Variants in TMEM101 observed in about 807,000 individuals in gnomAD.
The protein encoded by TMEM101 is putative NF-kappa-B-activating protein 130.
Under a neutral mutation model 26.0 loss-of-function variants are expected in TMEM101, and 14 were observed. The observed-to-expected ratio is 0.54, with a 90% CI of 0.36 to 0.84. The LOEUF is 0.84. Ranked by LOEUF, TMEM101 falls within the 40% of genes least tolerant of loss-of-function variation. TMEM101 has a pLI of 0.01. For missense variants in TMEM101, 292 were observed against 345.1 expected (o/e 0.85, Z 1.22); for synonymous variants, 152 against 145.1 (o/e 1.05, Z -0.34).
chr17:44,016,127 A>G (rs956520887), upstream of TMEM101, among the ~76,000 whole-genome samples: 19 of 127,180 alleles, frequency 1.5e-4, no homozygotes, highest in African/African-American at 3.1e-4. Flanking sequence ...ATACACACGC[A>G]CACACACACA....
chr17:44,019,767 A>G (rs753608898), upstream of TMEM101, among the ~76,000 whole-genome samples: 6 of 152,204 alleles, frequency 3.9e-5, no homozygotes, highest in Non-Finnish European at 8.8e-5. Flanking sequence ...CAGGGAAGCC[A>G]CAATTGATAT....
chr17:44,015,594 C>T (rs1160196036), upstream of TMEM101, among the ~76,000 whole-genome samples: 1 of 152,066 alleles, frequency 6.6e-6, no homozygotes, highest in Non-Finnish European at 1.5e-5. Flanking sequence ...GGAGTTTCAC[C>T]GTCTTAGCCA....
chr17:44,015,020 A>G (rs1462577944), upstream of TMEM101: 12 of 1,526,800 alleles, frequency 7.9e-6, no homozygotes, highest in East Asian at 4.7e-5. Context: ...TGGGACACGC[A>G]GCTTCCGGGT....
At chr17:44,016,867 G>T (rs2049237180), upstream of TMEM101, among the ~76,000 whole-genome samples, 1 of 152,188 alleles carries the variant, frequency 6.6e-6, no homozygotes, top group Non-Finnish European at 1.5e-5. Context: ...GGGCGCGGTG[G>T]CTAACGCCTG....
At chr17:44,017,608 A>AAAC (rs2049246787), upstream of TMEM101, among the ~76,000 whole-genome samples, 1 of 137,036 alleles carries the variant, frequency 7.3e-6, no homozygotes, top group Non-Finnish European at 1.6e-5. Context: ...AAAAAAAAAA[A>AAAC]AAAAAAAAGC....
At chr17:44,021,568 C>T (rs1285859527) in intron 1 of TMEM101, 1 of 152,242 alleles carries the variant, frequency 6.6e-6, no homozygotes, top group Non-Finnish European at 1.5e-5. Context: ...CCATTTGTTT[C>T]GTTGCCACTG....
rs2049164765 is a variant in TMEM101, at chr17:44,012,021, G to A, written c.681C>T (p.Asn227=). The part of the protein sequence containing the change: ...LIDGNVAYWH[N]TRRVEFWNQM... ...GGTTCCAGAACTCAACACGCCGCGT[G>A]TTGTGCCAGTAAGCAACATTGCCAT... Residue 227 remains asparagine, a synonymous_variant, in exon 4 of 4, where the codon AAC becomes AAT. Transcript: ENST00000206380. The A allele has an allele frequency of 1.2e-6, 2 of 1,614,192 alleles. No individual in the cohort carries two copies. Among genetic ancestry groups the A allele is most frequent in the East Asian group, 4.5e-5 (2 of 44,884 alleles).
chr17:44,020,458 C>A (rs1445189939), intron 2 of TMEM101, among the ~76,000 whole-genome samples: 1 of 152,216 alleles, frequency 6.6e-6, no homozygotes. Flanking sequence ...CGGTGGCTCA[C>A]ACCTGCAATC....
intron 2 of TMEM101, 136 bp downstream of exon 2, chr17:44,014,221 C>G: frequency 9.8e-7 from 1 of 1,023,318 alleles, no homozygotes; most frequent in South Asian, 1.7e-5. Context: ...TCTCCATAAG[C>G]CAAGGGGTTC....
intron 2 of TMEM101, 136 bp downstream of exon 2, chr17:44,014,221 C>T (rs1463131244): frequency 9.8e-7 from 1 of 1,023,200 alleles, no homozygotes; most frequent in Non-Finnish European, 1.4e-6. Context: ...TCTCCATAAG[C>T]CAAGGGGTTC....
upstream of TMEM101, chr17:44,019,360 G>C (rs2049264082): frequency 2.3e-6 from 1 of 437,820 alleles, no homozygotes; most frequent in African/African-American, 2.0e-5. Flanking sequence ...AACAGCCTGG[G>C]CTCCAGAGTC....
upstream of TMEM101, among the ~76,000 whole-genome samples, chr17:44,019,074 G>C (rs971264522): frequency 1.3e-5 from 2 of 152,214 alleles, no homozygotes; most frequent in Non-Finnish European, 2.9e-5. Context: ...TTCTGTGCGA[G>C]AGACGAGTGA....
At chr17:44,020,665 T>C (rs1195253874) in intron 2 of TMEM101, among the ~76,000 whole-genome samples, 2 of 152,250 alleles carry the variant, frequency 1.3e-5, no homozygotes, top group African/African-American at 4.8e-5. Context: ...GAGGTTGCAC[T>C]GAGCCAAGAT....
At chr17:44,015,761 A>G (rs1177978464), upstream of TMEM101, among the ~76,000 whole-genome samples, 1 of 152,176 alleles carries the variant, frequency 6.6e-6, no homozygotes. Context: ...AATGATACAC[A>G]TAACGCACCA....
chr17:44,021,564 G>C (rs1327865742), intron 1 of TMEM101: 2 of 152,236 alleles, frequency 1.3e-5, no homozygotes, highest in African/African-American at 4.8e-5. Context: ...TTAACCATTT[G>C]TTTCGTTGCC....
rs776323881 is a variant in TMEM101, at chr17:44,014,898, C to T, written c.55G>A (p.Gly19Ser). The change falls in exon 1 of 4, where the codon GGT (glycine) becomes AGT (serine). Residue 19 changes from glycine to serine, a missense_variant. Physicochemically the swap from Gly to Ser is moderately conservative, Grantham distance 56. Transcript: ENST00000206380. Reference sequence around the variant, plus strand: ...GGGCAGCGTGTGAGCAGCACCGAACCCAACTGCATGATCAGCTGCAACATC... The same window carrying T: ...GGGCAGCGTGTGAGCAGCACCGAACTCAACTGCATGATCAGCTGCAACATC... ...RWMLQLIMQL[G>S]SVLLTRCPFW... 6.2e-7 allele frequency: 1 copy of T among 1,614,090 alleles called. No homozygotes were observed. The highest frequency in any genetic ancestry group is 1.7e-5 in the Admixed American group (1 of 59,992).
At position 44,012,999 on chromosome 17, in the gene TMEM101, C is replaced by T; in HGVS notation, c.465+10G>A. 1 of 1,572,470 alleles carries T rather than the reference C, an allele frequency of 6.4e-7. No individual in the cohort carries two copies. The highest frequency in any genetic ancestry group is 8.7e-7 in the Non-Finnish European group (1 of 1,151,180). ...GCCAGGCACCTCCAACCAACAGTCC[C>T]CCAACATACCACACAGATGAGGTAG... On this transcript the variant is annotated intron_variant, in intron 3 of 3. Transcript: ENST00000206380.
chr17:44,012,914 C>A (rs1449785694), intron 3 of TMEM101, 95 bp downstream of exon 3: 1 of 1,358,926 alleles, frequency 7.4e-7, no homozygotes, highest in East Asian at 2.5e-5. Context: ...GCACTCAGGG[C>A]CTCGTTCTGT....
chr17:44,021,169 T>C (rs762589945), intron 2 of TMEM101, among the ~76,000 whole-genome samples: 2 of 152,196 alleles, frequency 1.3e-5, no homozygotes, highest in African/African-American at 4.8e-5. Context: ...TTGTTTCTAT[T>C]GGGGTGGAAA....
Sources: gnomAD v4.1 joint callset for allele counts (sites outside exome capture counted in the v4.1 genomes callset) on GRCh38, gnomAD v4.1.1 for gene constraint, MANE v1.5 for transcripts, NCBI Gene and HGNC (gene_info 2026-07-23, HGNC 2026-07-21) for gene names.